The following CPSF4L variants were observed in gnomAD, a reference collection of about 807,000 sequenced individuals.
The protein encoded by CPSF4L is putative cleavage and polyadenylation specificity factor subunit 4-like protein.
CPSF4L carries 18 observed loss-of-function variants against 24.0 expected under a neutral mutation model. That is an observed-to-expected ratio of 0.75 (90% CI 0.52 to 1.11). The LOEUF is 1.11. Ranked by LOEUF, CPSF4L falls within the 50% of genes least tolerant of loss-of-function variation. The pLI is 0.00. For missense variants in CPSF4L, 211 were observed against 221.8 expected (o/e 0.95, Z 0.31); for synonymous variants, 72 against 77.2 (o/e 0.93, Z 0.35).
chr17:73,259,616 T>G (rs1473395342), intron 2 of CPSF4L, among the ~76,000 whole-genome samples: 1 of 152,138 alleles, frequency 6.6e-6, no homozygotes, highest in Non-Finnish European at 1.5e-5. Flanking sequence ...CTGGTTGGGC[T>G]GAGCTGAGGA....
downstream of CPSF4L, chr17:73,245,084 A>G: frequency 7.7e-7 from 1 of 1,296,284 alleles, no homozygotes. Context: ...AAACAAAAAG[A>G]GAATGATCTG....
chr17:73,249,964 A>G (rs995286436), intron 5 of CPSF4L: 1 of 316,478 alleles, frequency 3.2e-6, no homozygotes, highest in African/African-American at 2.2e-5. Context: ...AGCAAAGTAT[A>G]ATGATCGTGG....
At chr17:73,246,964 A>G (rs78724781), downstream of CPSF4L, among the ~76,000 whole-genome samples, 103 of 152,192 alleles carry the variant, frequency 6.8e-4, no homozygotes, top group Non-Finnish European at 1.3e-3. Context: ...AGAAACTCTC[A>G]AGGTGAGAAG....
At chr17:73,252,584 G>C (rs1325361075) in intron 5 of CPSF4L, 46 bp downstream of exon 5, 1 of 1,203,188 alleles carries the variant, frequency 8.3e-7, no homozygotes, top group Middle Eastern at 1.9e-4. Flanking sequence ...TAGAAGGCCA[G>C]GCCTAGCACT....
At chr17:73,250,902 TC>T (rs1276656168) in intron 5 of CPSF4L, 2 of 1,203,114 alleles carry the variant, frequency 1.7e-6, no homozygotes, top group Non-Finnish European at 2.3e-6. Context: ...ATTCTCCAGC[TC>T]CCTGATCATT....
Position 73,252,738 on chromosome 17 carries a change from G to C in CPSF4L, c.404-15C>G, listed in dbSNP as rs529881132. 4.6e-6 allele frequency: 7 copies of C among 1,522,194 alleles called. No individual in the cohort carries two copies. In the East Asian group the frequency reaches 1.7e-4, roughly 37 times the overall value. The allele number at this position is 1,522,194 out of a possible 1,614,324, so 94.3% of individuals were successfully genotyped here. On this transcript the variant is annotated splice_polypyrimidine_tract_variant and intron_variant, in intron 4 of 5. Coordinates refer to ENST00000344935, the MANE Select transcript of CPSF4L (RefSeq NM_001129885.1). ...ACACAGAGGACCTGCTGAGCAAAGA[G>C]AAAGTGATGAGAAGGATCCGCTTCA...
At chr17:73,243,548 C>CTT (rs111267869), downstream of CPSF4L, among the ~76,000 whole-genome samples, 177 of 135,062 alleles carry the variant, frequency 1.3e-3, no homozygotes, top group Middle Eastern at 3.9e-3. Flanking sequence ...TTCATGTTGT[C>CTT]TTTTTTTTTT....
At chr17:73,261,664 G>C in intron 1 of CPSF4L, 52 bp downstream of exon 1, 3 of 1,233,606 alleles carry the variant, frequency 2.4e-6, no homozygotes, top group Non-Finnish European at 3.5e-6. Flanking sequence ...CCGTCTCAAA[G>C]AAAAAAAAAC....
intron 4 of CPSF4L, among the ~76,000 whole-genome samples, chr17:73,253,631 T>C (rs1480898948): frequency 6.6e-6 from 1 of 152,232 alleles, no homozygotes; most frequent in African/African-American, 2.4e-5. Context: ...AAGCGTCTCC[T>C]ATGGGCCTGA....
intron 4 of CPSF4L, among the ~76,000 whole-genome samples, chr17:73,253,304 G>T (rs1289697143): frequency 6.6e-6 from 1 of 152,190 alleles, no homozygotes; most frequent in African/African-American, 2.4e-5. Context: ...AGGTTGCAGT[G>T]AGCCAAGATC....
intron 4 of CPSF4L, among the ~76,000 whole-genome samples, chr17:73,253,486 G>T (rs2062013063): frequency 1.3e-5 from 2 of 152,222 alleles, no homozygotes; most frequent in African/African-American, 4.8e-5. Context: ...CTGTTGCTTA[G>T]GGCATGGGAA....
At chr17:73,242,911 A>C in the CPSF4L span, 19 of 1,613,752 alleles carry the variant, frequency 1.2e-5, no homozygotes, top group African/African-American at 1.1e-4. Context: ...ATCAGGTGCA[A>C]CACCACCATA....
intron 2 of CPSF4L, among the ~76,000 whole-genome samples, chr17:73,258,850 G>C (rs1354688133): frequency 6.6e-6 from 1 of 152,226 alleles, no homozygotes; most frequent in African/African-American, 2.4e-5. Flanking sequence ...AGGGTGTGTT[G>C]AATTCCCATC....
intron 5 of CPSF4L, chr17:73,251,077 C>G (rs2062003944): frequency 1.3e-6 from 2 of 1,548,800 alleles, no homozygotes; most frequent in Admixed American, 3.9e-5. Context: ...ATAGGAGGTG[C>G]TGAATCCCGG....
At chr17:73,245,208 C>T (rs757200097), downstream of CPSF4L, 8 of 1,613,306 alleles carry the variant, frequency 5.0e-6, no homozygotes, top group South Asian at 4.4e-5. Context: ...CTGGACATCA[C>T]TTAAAGCTCT....
chr17:73,259,295 G>A (rs2062035891), intron 2 of CPSF4L, among the ~76,000 whole-genome samples: 1 of 151,944 alleles, frequency 6.6e-6, no homozygotes, highest in Non-Finnish European at 1.5e-5. Flanking sequence ...CTCATGCCTG[G>A]CCAGTTCTCT....
intron 5 of CPSF4L, among the ~76,000 whole-genome samples, chr17:73,251,820 G>A (rs1437953431): frequency 6.6e-6 from 1 of 152,248 alleles, no homozygotes; most frequent in Non-Finnish European, 1.5e-5. Flanking sequence ...TCTATAGAGT[G>A]TGTGTGTCTC....
chr17:73,242,757 T>C, the CPSF4L span: 1 of 639,520 alleles, frequency 1.6e-6, no homozygotes, highest in East Asian at 2.8e-5. Flanking sequence ...TGTTAGCCTT[T>C]ATGTGTTTAA....
chr17:73,250,949 A>AGCCCTGTGGGTTCCTTTGTCC, intron 5 of CPSF4L: 1 of 1,498,184 alleles, frequency 6.7e-7, no homozygotes, highest in Non-Finnish European at 8.9e-7. Context: ...GCACTAGCCC[A>AGCCCTGTGGGTTCCTTTGTCC]GCCCTGTGGG....
Sources: allele counts gnomAD v4.1 joint callset (sites outside exome capture counted in the v4.1 genomes callset), GRCh38; gene constraint gnomAD v4.1.1; transcripts MANE v1.5; gene names NCBI Gene and HGNC (gene_info 2026-07-23, HGNC 2026-07-21).